CIB4: variants seen among roughly 807,000 people sequenced by gnomAD.
The protein encoded by CIB4 is calcium and integrin-binding family member 4.
In CIB4, 25 loss-of-function variants were observed where a neutral mutation model predicts 25.8. The observed-to-expected ratio is 0.97, with a 90% CI of 0.71 to 1.35. CIB4 has a LOEUF of 1.35. Among genes scored for constraint, CIB4 ranks in the 40% most tolerant of loss-of-function variants. The probability of loss-of-function intolerance (pLI) is 0.00; values close to 1 mark genes in which losing one functional copy is unlikely to be tolerated. For synonymous variants in CIB4, 75 were observed against 81.4 expected (o/e 0.92, Z 0.42); for missense variants, 235 against 228.2 (o/e 1.03, Z -0.19).
rs779454724 is a variant in CIB4, at chr2:26,581,407, T to G, written c.528-14A>C. 8 of 1,613,336 alleles carry G rather than the reference T, an allele frequency of 5.0e-6. No homozygotes were observed. The highest frequency in any genetic ancestry group is 2.7e-5 in the African/African-American group (2 of 74,832). ...ATCCGAAAGGAGCTGAAAGAAAGAATCCCGTGAGCCATGTGAGCCCGCAGG... is the reference window on the plus strand; with the variant it reads ...ATCCGAAAGGAGCTGAAAGAAAGAAGCCCGTGAGCCATGTGAGCCCGCAGG... On this transcript the variant is annotated splice_polypyrimidine_tract_variant and intron_variant, in intron 6 of 6. Coordinates refer to ENST00000288861, the MANE Select transcript of CIB4 (RefSeq NM_001029881.3).
intron 2 of CIB4, among the ~76,000 whole-genome samples, chr2:26,631,870 T>C (rs1412077412): frequency 1.3e-5 from 2 of 152,172 alleles, no homozygotes; most frequent in Non-Finnish European, 2.9e-5. Flanking sequence ...GTTCCCGCTG[T>C]CTCAGGCTAG....
Position 26,589,077 on chromosome 2 carries a change from CT to C in CIB4, c.329-5180del, listed in dbSNP as rs1558554939. ...TCTTCTTCCTCTTCCTCTTCCTCTT[CT>C]TCTTCTTCTTCTTCTTCTTCTTCTT... is the stretch of plus-strand genomic sequence containing the variant. On this transcript the variant is annotated intron_variant, in intron 4 of 6. Transcript: ENST00000288861. 2.3e-4 allele frequency among the ~76,000 whole-genome samples: 15 copies of C among 64,336 alleles called. 1 individual carries two copies. The highest frequency in any genetic ancestry group is 1.3e-3 in the African/African-American group (15 of 11,456). 42.2% of individuals were successfully genotyped at this position (64,336 alleles called of 152,430 possible).
chr2:26,594,280 T>G (rs985984616), intron 4 of CIB4, among the ~76,000 whole-genome samples: 1 of 152,194 alleles, frequency 6.6e-6, no homozygotes, highest in Non-Finnish European at 1.5e-5. Flanking sequence ...ATTTCATGTG[T>G]GCTTACCAAA....
intron 3 of CIB4, among the ~76,000 whole-genome samples, chr2:26,604,018 AAG>A (rs1368353688): frequency 1.7e-3 from 257 of 150,786 alleles, no homozygotes; most frequent in African/African-American, 5.9e-3. Context: ...AAAAAAAAAA[AAG>A]AAAGAAATAT....
chr2:26,606,128 A>G (rs1668885259), intron 3 of CIB4, among the ~76,000 whole-genome samples: 2 of 152,236 alleles, frequency 1.3e-5, no homozygotes, highest in African/African-American at 4.8e-5. Context: ...TCCTTGCCGC[A>G]AATGCATCAG....
chr2:26,629,270 G>C, intron 3 of CIB4, 140 bp downstream of exon 3: 1 of 638,276 alleles, frequency 1.6e-6, no homozygotes, highest in South Asian at 1.8e-5. Context: ...CCTCTGCCTG[G>C]AGGATCAGGA....
chr2:26,629,114 C>T (rs1230101600), intron 3 of CIB4, among the ~76,000 whole-genome samples: 3 of 152,202 alleles, frequency 2.0e-5, no homozygotes, highest in African/African-American at 7.2e-5. Flanking sequence ...CACGGTAAGG[C>T]CTGGAGCAGG....
chr2:26,616,885 G>C (rs969199543), intron 3 of CIB4, among the ~76,000 whole-genome samples: 7 of 152,148 alleles, frequency 4.6e-5, no homozygotes, highest in South Asian at 4.2e-4. Flanking sequence ...GAAGTCTTGG[G>C]GGAAGGGCAG....
chr2:26,613,306 C>T (rs1669031653), intron 3 of CIB4, among the ~76,000 whole-genome samples: 1 of 152,190 alleles, frequency 6.6e-6, no homozygotes, highest in African/African-American at 2.4e-5. Flanking sequence ...GGGGCCAAAT[C>T]TAATTCCTCC....
At chr2:26,600,470 AT>A (rs888081448) in intron 3 of CIB4, among the ~76,000 whole-genome samples, 3 of 152,232 alleles carry the variant, frequency 2.0e-5, no homozygotes, top group Admixed American at 2.0e-4. Context: ...TATTTTGAAC[AT>A]TTTACACAGA....
intron 3 of CIB4, among the ~76,000 whole-genome samples, chr2:26,601,217 C>CAAAAAAAAA (rs142951418): frequency 1.0e-3 from 24 of 23,684 alleles, no homozygotes; most frequent in Middle Eastern, 0.019. Flanking sequence ...GAGACCATGT[C>CAAAAAAAAA]AAAAAAAAAA....
chr2:26,609,325 C>G (rs1668952306), intron 3 of CIB4, among the ~76,000 whole-genome samples: 1 of 152,076 alleles, frequency 6.6e-6, no homozygotes, highest in Non-Finnish European at 1.5e-5. Flanking sequence ...AGGGGAGAGG[C>G]AGCAGCGGAT....
chr2:26,602,416 C>T (rs1363945336), intron 3 of CIB4, among the ~76,000 whole-genome samples: 1 of 151,946 alleles, frequency 6.6e-6, no homozygotes, highest in Non-Finnish European at 1.5e-5. Context: ...GCAATTCTTA[C>T]CACAAGTATA....
At chr2:26,618,805 GC>G (rs1325291580) in intron 3 of CIB4, among the ~76,000 whole-genome samples, 3 of 152,158 alleles carry the variant, frequency 2.0e-5, no homozygotes, top group Non-Finnish European at 1.5e-5. Flanking sequence ...GGCTTGCATG[GC>G]CGCCCAGGAA....
chr2:26,592,765 ATATTT>A (rs1668608162), intron 4 of CIB4, among the ~76,000 whole-genome samples: 2 of 151,888 alleles, frequency 1.3e-5, no homozygotes, highest in African/African-American at 4.8e-5. Context: ...TTTGTTTCAG[ATATTT>A]TATTTTTCAG....
Position 26,583,866 on chromosome 2 carries a change from C to T in CIB4, c.361G>A (p.Asp121Asn). 1 of 1,613,166 alleles carries T rather than the reference C, an allele frequency of 6.2e-7. No individual in the cohort carries two copies. The highest frequency in any genetic ancestry group is 8.5e-7 in the Non-Finnish European group (1 of 1,179,324). ...FNENGFIDEE[D>N]LQRIILRLLN... Reference sequence around the variant, plus strand: ...AGTCGCAGGATGATCCTCTGCAGATCCTCCTCATCAATGAAGCCATTCTCA... The same window carrying T: ...AGTCGCAGGATGATCCTCTGCAGATTCTCCTCATCAATGAAGCCATTCTCA... The change falls in exon 5 of 7, where the codon GAT becomes AAT. Residue 121 changes from aspartate (D) to asparagine (N), a missense_variant. By Grantham distance (23) the Asp-to-Asn change is conservative. Coordinates refer to ENST00000288861, the MANE Select transcript of CIB4 (RefSeq NM_001029881.3).
chr2:26,595,470 G>T (rs2148197464), intron 3 of CIB4, among the ~76,000 whole-genome samples, 153 bp from the exon 4 acceptor site: 1 of 152,348 alleles, frequency 6.6e-6, no homozygotes, highest in Non-Finnish European at 1.5e-5. Context: ...GGCTCACTGA[G>T]CCAGGACCCT....
At chr2:26,615,058 G>T (rs894395905) in intron 3 of CIB4, among the ~76,000 whole-genome samples, 5 of 152,186 alleles carry the variant, frequency 3.3e-5, no homozygotes, top group East Asian at 1.9e-4. Flanking sequence ...GCAGTTGCCA[G>T]TGCTGGTTTG....
rs1199401165 is a variant in CIB4, at chr2:26,613,205, G to A, written c.186+16205C>T. Among the ~76,000 whole-genome samples, 4 of 152,104 alleles carry A rather than the reference G, an allele frequency of 2.6e-5. No homozygotes were observed. The East Asian group carries it at 5.8e-4, about 22-fold the overall frequency. On this transcript the variant is annotated intron_variant, in intron 3 of 6. Transcript: ENST00000288861. ...ACCTGGAGCTTGCTTTCTCTCGACT[G>A]AGCCTCCTCTCTCTGTTAGGAAATT...
Sources: gnomAD v4.1 joint callset for allele counts (sites outside exome capture counted in the v4.1 genomes callset) on GRCh38, gnomAD v4.1.1 for gene constraint, MANE v1.5 for transcripts, NCBI Gene and HGNC (gene_info 2026-07-23, HGNC 2026-07-21) for gene names.